THRB: variants seen among roughly 807,000 people sequenced by gnomAD.
THRB encodes nuclear receptor subfamily 1 group A member 2.
THRB carries 12 observed loss-of-function variants against 47.8 expected under a neutral mutation model. That is an observed-to-expected ratio of 0.25 (90% confidence interval 0.16 to 0.41). The LOEUF (loss-of-function observed/expected upper bound fraction) is 0.41, where lower values mean the gene tolerates loss of function less well. Ranked by LOEUF, THRB falls within the 10% of genes least tolerant of loss-of-function variation. The pLI, the probability that THRB is intolerant of heterozygous loss-of-function variation, is 1.00. For missense variants in THRB, 348 were observed against 589.2 expected (o/e 0.59, Z 4.24); for synonymous variants, 218 against 212.2 (o/e 1.03, Z -0.24).
At chr3:24,447,506 A>G (rs2072215035) in intron 1 of THRB, among the ~76,000 whole-genome samples, 1 of 152,144 alleles carries the variant, frequency 6.6e-6, no homozygotes, top group African/African-American at 2.4e-5. Context: ...CTGTTAATAT[A>G]TTAATAAGTT....
chr3:24,143,464 C>CAT (rs762731890), intron 8 of THRB, 37 bp downstream of exon 8: 7 of 1,592,618 alleles, frequency 4.4e-6, no homozygotes, highest in Non-Finnish European at 6.0e-6. Context: ...AAAACACTGG[C>CAT]ATATAAGTGA....
At chr3:24,277,476 C>A (rs891380674) in intron 3 of THRB, among the ~76,000 whole-genome samples, 1 of 152,150 alleles carries the variant, frequency 6.6e-6, no homozygotes, top group Non-Finnish European at 1.5e-5. Context: ...TTCAGTGAGT[C>A]TGGAGCAAAC....
At chr3:24,382,797 C>T (rs116399638) in intron 1 of THRB, among the ~76,000 whole-genome samples, 1,846 of 152,222 alleles carry the variant, frequency 0.012, 34 homozygotes, top group African/African-American at 0.04. Flanking sequence ...GCTACTTTCA[C>T]GCTAGTCCAA....
chr3:24,458,385 A>T (rs2073381906), intron 1 of THRB: 1 of 152,200 alleles, frequency 6.6e-6, no homozygotes, highest in Non-Finnish European at 1.5e-5. Context: ...AAATGCTTAC[A>T]GAAGACTGCA....
intron 4 of THRB, among the ~76,000 whole-genome samples, chr3:24,200,093 A>G (rs1382423427): frequency 2.0e-5 from 3 of 152,216 alleles, no homozygotes; most frequent in Non-Finnish European, 1.5e-5. Flanking sequence ...CAGAGATTCC[A>G]TTTAGGATAT....
chr3:24,207,646 G>A (rs1404301519), intron 4 of THRB, among the ~76,000 whole-genome samples: 1 of 151,904 alleles, frequency 6.6e-6, no homozygotes, highest in Non-Finnish European at 1.5e-5. Flanking sequence ...ATCATATAGT[G>A]CAGAAACCCC....
At chr3:24,390,022 C>T (rs2066437630) in intron 1 of THRB, among the ~76,000 whole-genome samples, 2 of 152,060 alleles carry the variant, frequency 1.3e-5, no homozygotes, top group South Asian at 4.1e-4. Flanking sequence ...AAGGAGGAAC[C>T]AGAGATGTCT....
intron 5 of THRB, among the ~76,000 whole-genome samples, chr3:24,161,946 T>C (rs1273377886): frequency 1.3e-5 from 2 of 150,404 alleles, no homozygotes; most frequent in African/African-American, 2.4e-5. Context: ...TCAAGTAAGA[T>C]GGCATGTAGA....
intron 3 of THRB, among the ~76,000 whole-genome samples, chr3:24,276,921 A>G (rs957171944): frequency 6.6e-6 from 1 of 152,254 alleles, no homozygotes; most frequent in Non-Finnish European, 1.5e-5. Context: ...TATATGATTA[A>G]ATGTATACCA....
intron 1 of THRB, among the ~76,000 whole-genome samples, chr3:24,387,650 C>T (rs967941098): frequency 6.6e-6 from 1 of 152,106 alleles, no homozygotes; most frequent in Non-Finnish European, 1.5e-5. Context: ...TATCAAAAAG[C>T]ACATGTTGCA....
At chr3:24,434,906 C>T (rs577713401) in intron 1 of THRB, among the ~76,000 whole-genome samples, 2 of 152,196 alleles carry the variant, frequency 1.3e-5, no homozygotes, top group African/African-American at 2.4e-5. Flanking sequence ...TACTGGTCAT[C>T]GGAATTTTAC....
chr3:24,339,181 G>T (rs1272997550), intron 1 of THRB, among the ~76,000 whole-genome samples: 1 of 151,830 alleles, frequency 6.6e-6, no homozygotes, highest in Non-Finnish European at 1.5e-5. Flanking sequence ...TTTTTTTTGA[G>T]AGTGTAATTT....
At chr3:24,129,886 T>C (rs1052864472) in intron 9 of THRB, among the ~76,000 whole-genome samples, 2 of 152,224 alleles carry the variant, frequency 1.3e-5, no homozygotes, top group Admixed American at 1.3e-4. Context: ...CCTGGTGTCA[T>C]GCCAGTCTTG....
chr3:24,337,835 G>GA (rs141591243), intron 1 of THRB, among the ~76,000 whole-genome samples: 4,289 of 152,266 alleles, frequency 0.028, 62 homozygotes, highest in African/African-American at 0.041. Flanking sequence ...ACTGCCATAT[G>GA]AACCTGTGGG....
intron 7 of THRB, among the ~76,000 whole-genome samples, chr3:24,145,867 C>T (rs2036016309): frequency 6.6e-6 from 1 of 152,032 alleles, no homozygotes; most frequent in Non-Finnish European, 1.5e-5. Flanking sequence ...TGGAATCTCT[C>T]ACTGATGTGC....
intron 3 of THRB, among the ~76,000 whole-genome samples, chr3:24,284,325 TG>T (rs1160365852): frequency 1.3e-5 from 2 of 151,510 alleles, no homozygotes; most frequent in Non-Finnish European, 3.0e-5. Context: ...AAACAAGCAA[TG>T]GGGAAAGGAT....
At chr3:24,324,170 C>T (rs7649511) in intron 2 of THRB, among the ~76,000 whole-genome samples, 55,263 of 152,034 alleles carry the variant, frequency 0.36, 11,622 homozygotes, top group African/African-American at 0.57. Context: ...GGATCACACA[C>T]CGCACATCTC....
At chr3:24,412,799 G>A (rs890129355) in intron 1 of THRB, among the ~76,000 whole-genome samples, 8 of 151,614 alleles carry the variant, frequency 5.3e-5, no homozygotes, top group Non-Finnish European at 7.4e-5. Flanking sequence ...ACAATTTAAA[G>A]TTCATACAAG....
At chr3:24,288,635 G>A (rs537100228) in intron 3 of THRB, among the ~76,000 whole-genome samples, 5 of 152,096 alleles carry the variant, frequency 3.3e-5, no homozygotes, top group African/African-American at 4.8e-5. Context: ...TTTTTCTGCC[G>A]ATATAAGCAA....
Sources: gnomAD v4.1 joint callset for allele counts (sites outside exome capture counted in the v4.1 genomes callset) on GRCh38, gnomAD v4.1.1 for gene constraint, MANE v1.5 for transcripts, NCBI Gene and HGNC (gene_info 2026-07-23, HGNC 2026-07-21) for gene names.